The following IL1RAPL2 variants were observed in gnomAD, a reference collection of about 807,000 sequenced individuals.
IL1RAPL2 encodes the protein interleukin 1 receptor accessory protein like 2.
A neutral mutation model predicts 44.1 loss-of-function variants in IL1RAPL2; 3 were observed. That is an observed-to-expected ratio of 0.07 (90% CI 0.03 to 0.18). IL1RAPL2 has a LOEUF of 0.18. Among genes scored for constraint, IL1RAPL2 ranks in the 10% least tolerant of loss-of-function variants. The probability of loss-of-function intolerance (pLI) is 1.00; values close to 1 mark genes in which losing one functional copy is unlikely to be tolerated. For missense variants in IL1RAPL2, 391 were observed against 496.4 expected, an observed-to-expected ratio of 0.79 and a Z score of 2.02; for synonymous variants, 181 against 178.8, an observed-to-expected ratio of 1.01 and a Z score of -0.10.
intron 5 of IL1RAPL2, chrX:105,405,867 A>C: frequency 8.6e-7 from 1 of 1,165,554 alleles, no homozygotes; most frequent in Non-Finnish European, 1.2e-6. Flanking sequence ...CATAAAAGCC[A>C]CCAGTGTGTA....
At chrX:104,608,968 A>G (rs1363802105) in intron 1 of IL1RAPL2, among the ~76,000 whole-genome samples, 1 of 111,649 alleles carries the variant, frequency 9.0e-6, no homozygotes, top group African/African-American at 3.3e-5. Context: ...ACAATTTGGC[A>G]TGTTTTTGCA....
At chrX:105,719,114 C>T (rs749609050) in intron 7 of IL1RAPL2, among the ~76,000 whole-genome samples, 3 of 111,585 alleles carry the variant, frequency 2.7e-5, no homozygotes, top group East Asian at 2.8e-4. Context: ...AGCAGCATTG[C>T]TCATAATAGA....
At chrX:104,935,852 A>G (rs1206642720) in intron 2 of IL1RAPL2, among the ~76,000 whole-genome samples, 3 of 111,479 alleles carry the variant, frequency 2.7e-5, no homozygotes, top group African/African-American at 9.8e-5. Flanking sequence ...TGACAGGGCA[A>G]GAATGCAGTC....
chrX:105,146,713 G>GA (rs1201791249), intron 2 of IL1RAPL2, among the ~76,000 whole-genome samples: 4 of 110,974 alleles, frequency 3.6e-5, no homozygotes, highest in Non-Finnish European at 7.6e-5. Flanking sequence ...TTTGCAGTGA[G>GA]AAAAAATGAG....
intron 2 of IL1RAPL2, among the ~76,000 whole-genome samples, chrX:105,148,496 T>C (rs1021331560): frequency 8.9e-6 from 1 of 112,089 alleles, no homozygotes. Context: ...TTTATTGATA[T>C]TTAGAAAATC....
At chrX:104,805,000 G>A (rs1054727108) in intron 2 of IL1RAPL2, among the ~76,000 whole-genome samples, 5 of 112,119 alleles carry the variant, frequency 4.5e-5, no homozygotes, top group Non-Finnish European at 7.5e-5. Flanking sequence ...CAAGAAGATA[G>A]AGCTGAGAGG....
intron 2 of IL1RAPL2, among the ~76,000 whole-genome samples, chrX:104,821,793 A>G (rs1921310554): frequency 8.9e-6 from 1 of 111,930 alleles, no homozygotes; most frequent in South Asian, 3.7e-4. Flanking sequence ...TGGTATTTCT[A>G]GTTCTAGATC....
chrX:105,072,643 T>A (rs900461765), intron 2 of IL1RAPL2, among the ~76,000 whole-genome samples: 18 of 111,480 alleles, frequency 1.6e-4, no homozygotes, highest in African/African-American at 4.6e-4. Flanking sequence ...TCTTTTTTTT[T>A]TAAATTATTA....
intron 2 of IL1RAPL2, among the ~76,000 whole-genome samples, chrX:105,009,718 G>A (rs971317026): frequency 5.0e-4 from 55 of 109,498 alleles, no homozygotes; most frequent in African/African-American, 1.7e-3. Flanking sequence ...CCTGCACATT[G>A]TGCACATGTA....
chrX:105,167,742 A>G (rs867804000), intron 2 of IL1RAPL2, among the ~76,000 whole-genome samples: 1 of 108,426 alleles, frequency 9.2e-6, no homozygotes, highest in African/African-American at 3.4e-5. Context: ...GGGAAAGAAC[A>G]TGGACTTTGG....
chrX:104,856,705 C>G (rs1922374487), intron 2 of IL1RAPL2, among the ~76,000 whole-genome samples: 1 of 112,000 alleles, frequency 8.9e-6, no homozygotes, highest in Admixed American at 9.5e-5. Flanking sequence ...CTGATTGATT[C>G]AGCTTATGGA....
chrX:105,580,369 T>G (rs1275172912), intron 6 of IL1RAPL2, among the ~76,000 whole-genome samples: 9 of 107,466 alleles, frequency 8.4e-5, no homozygotes, highest in African/African-American at 2.0e-4. Flanking sequence ...CGTGTTTTTT[T>G]TTTTTTTTTT....
chrX:105,057,097 G>A (rs145927394), intron 2 of IL1RAPL2, among the ~76,000 whole-genome samples: 509 of 101,714 alleles, frequency 5.0e-3, no homozygotes, highest in Non-Finnish European at 6.9e-3. Context: ...AATTTGCCTG[G>A]GCCATTTAAA....
chrX:105,709,988 A>G (rs1040966203), intron 6 of IL1RAPL2, among the ~76,000 whole-genome samples: 2 of 111,259 alleles, frequency 1.8e-5, no homozygotes, highest in African/African-American at 6.5e-5. Context: ...CCAATTGTGT[A>G]CCAAAACAAT....
At chrX:105,349,104 G>A (rs1318486084) in intron 5 of IL1RAPL2, among the ~76,000 whole-genome samples, 1 of 112,165 alleles carries the variant, frequency 8.9e-6, no homozygotes, top group Non-Finnish European at 1.9e-5. Flanking sequence ...TTTTAAATAT[G>A]TATTCAGCAA....
chrX:104,710,465 A>T (rs1279490623), intron 2 of IL1RAPL2, among the ~76,000 whole-genome samples: 1 of 111,155 alleles, frequency 9.0e-6, no homozygotes, highest in Non-Finnish European at 1.9e-5. Flanking sequence ...TCAAGGGCTA[A>T]GGTGAGGCAG....
intron 2 of IL1RAPL2, among the ~76,000 whole-genome samples, chrX:104,670,599 A>C (rs1225898879): frequency 9.0e-6 from 1 of 110,696 alleles, no homozygotes; most frequent in Admixed American, 9.6e-5. Context: ...TTTTTAAACA[A>C]ATTTTGACTT....
At chrX:105,541,068 G>A (rs946239934) in intron 6 of IL1RAPL2, among the ~76,000 whole-genome samples, 2 of 104,449 alleles carry the variant, frequency 1.9e-5, no homozygotes, top group African/African-American at 7.0e-5. Flanking sequence ...TTGAACTAGG[G>A]CAATAGCTTC....
At chrX:104,737,317 G>A (rs776527443) in intron 2 of IL1RAPL2, among the ~76,000 whole-genome samples, 3 of 112,333 alleles carry the variant, frequency 2.7e-5, no homozygotes, top group African/African-American at 9.7e-5. Context: ...TTGTAAATTG[G>A]AATGCAGAAC....
Sources: allele counts gnomAD v4.1 joint callset (sites outside exome capture counted in the v4.1 genomes callset), GRCh38; gene constraint gnomAD v4.1.1; transcripts MANE v1.5; gene names NCBI Gene and HGNC (gene_info 2026-07-23, HGNC 2026-07-21).